SENP6: variants seen among roughly 807,000 people sequenced by gnomAD.
The protein encoded by SENP6 is sentrin-specific protease 6.
In SENP6, 41 loss-of-function variants were observed where a neutral mutation model predicts 134.5. The observed-to-expected ratio is 0.30, with a 90% CI of 0.24 to 0.40. SENP6 has a LOEUF of 0.40. Ranked by LOEUF, SENP6 falls within the 10% of genes least tolerant of loss-of-function variation. The pLI is 1.00. For missense variants in SENP6, 1,248 were observed against 1,312.5 expected (o/e 0.95, Z 0.76); for synonymous variants, 395 against 429.8 (o/e 0.92, Z 1.00).
intron 7 of SENP6, among the ~76,000 whole-genome samples, chr6:75,654,658 A>C (rs1157634505): frequency 6.6e-6 from 1 of 152,266 alleles, no homozygotes; most frequent in Non-Finnish European, 1.5e-5. Flanking sequence ...ATAATGTAAA[A>C]GCAAATACAT....
At chr6:75,653,417 C>T (rs919523320) in intron 7 of SENP6, among the ~76,000 whole-genome samples, 1 of 152,162 alleles carries the variant, frequency 6.6e-6, no homozygotes, top group Non-Finnish European at 1.5e-5. Context: ...TTTAGTAAAG[C>T]TTTTCCAACC....
At chr6:75,701,829 G>A (rs1165697052) in intron 18 of SENP6, among the ~76,000 whole-genome samples, 1 of 151,808 alleles carries the variant, frequency 6.6e-6, no homozygotes, top group East Asian at 1.9e-4. Context: ...TAGTAGAGAC[G>A]GGGTTTCACT....
chr6:75,705,967 C>T (rs9343320), intron 19 of SENP6, among the ~76,000 whole-genome samples: 10,835 of 80,450 alleles, frequency 0.13, 579 homozygotes, highest in Middle Eastern at 0.23. Flanking sequence ...GATGGAGTCT[C>T]TCTTAATCAC....
rs1425279970 is a variant in SENP6 at position 75,675,857 on chromosome 6, C to T, written c.1427-3C>T. The T allele has an allele frequency of 5.1e-6, 8 of 1,570,396 alleles. No individual in the cohort carries two copies. Among genetic ancestry groups the T allele is most frequent in the African/African-American group, 4.1e-5 (3 of 72,792 alleles). ...TTTTTCCATTTCATTTGTTTTCCTC[C>T]AGAACCAGACCATGATCCTGTAGAG... On this transcript the variant is annotated splice_region_variant and splice_polypyrimidine_tract_variant and intron_variant, in intron 12 of 23. Coordinates refer to ENST00000447266, the MANE Select transcript of SENP6 (RefSeq NM_015571.4).
intron 5 of SENP6, among the ~76,000 whole-genome samples, chr6:75,638,979 A>G (rs1209784979): frequency 6.6e-6 from 1 of 152,100 alleles, no homozygotes; most frequent in African/African-American, 2.4e-5. Flanking sequence ...GAGCCTAGGG[A>G]GATCAAGGCT....
chr6:75,654,511 G>A (rs1771162320), intron 7 of SENP6, among the ~76,000 whole-genome samples: 1 of 152,180 alleles, frequency 6.6e-6, no homozygotes, highest in Admixed American at 6.5e-5. Flanking sequence ...TTAGCCAGAA[G>A]TGATTTTTAA....
chr6:75,701,547 C>T (rs1775026678), intron 18 of SENP6, among the ~76,000 whole-genome samples: 1 of 147,938 alleles, frequency 6.8e-6, no homozygotes, highest in Non-Finnish European at 1.5e-5. Flanking sequence ...CACACAGTAA[C>T]AGTAAAAAGA....
At chr6:75,641,274 A>G (rs1009839849) in intron 6 of SENP6, among the ~76,000 whole-genome samples, 4 of 152,214 alleles carry the variant, frequency 2.6e-5, no homozygotes, top group Non-Finnish European at 5.9e-5. Flanking sequence ...ATTTATGCTA[A>G]TAAGTGACTC....
At chr6:75,664,541 T>A (rs1364741531) in intron 9 of SENP6, among the ~76,000 whole-genome samples, 1 of 152,152 alleles carries the variant, frequency 6.6e-6, no homozygotes, top group Non-Finnish European at 1.5e-5. Flanking sequence ...AAATAACCAG[T>A]AAGTGGCAAA....
chr6:75,704,906 G>C (rs927040565), intron 19 of SENP6, among the ~76,000 whole-genome samples: 2 of 152,176 alleles, frequency 1.3e-5, no homozygotes, highest in African/African-American at 4.8e-5. Context: ...CTTAAACCTT[G>C]ATTCCATACA....
intron 2 of SENP6, 148 bp downstream of exon 2, chr6:75,621,773 G>T: frequency 1.9e-6 from 1 of 520,372 alleles, no homozygotes. Context: ...GAAAGAAAAA[G>T]CAATTCCTTA....
intron 2 of SENP6, among the ~76,000 whole-genome samples, chr6:75,622,553 C>T (rs1161191302): frequency 1.3e-5 from 2 of 152,028 alleles, no homozygotes; most frequent in South Asian, 2.1e-4. Context: ...AGTAAGACTC[C>T]GTCTCAACAA....
chr6:75,626,338 T>C (rs1192104371), intron 3 of SENP6, among the ~76,000 whole-genome samples: 1 of 150,138 alleles, frequency 6.7e-6, no homozygotes, highest in Non-Finnish European at 1.5e-5. Flanking sequence ...GGCTTAGCTT[T>C]TTATATATAT....
At chr6:75,677,423 G>A (rs1773166341) in intron 14 of SENP6, 167 bp downstream of exon 14, 2 of 571,234 alleles carry the variant, frequency 3.5e-6, no homozygotes, top group South Asian at 6.0e-5. Flanking sequence ...CAAAACAGTG[G>A]TGGGTAGGTG....
intron 16 of SENP6, among the ~76,000 whole-genome samples, chr6:75,681,758 A>G (rs920929608): frequency 6.6e-6 from 1 of 152,106 alleles, no homozygotes; most frequent in Non-Finnish European, 1.5e-5. Flanking sequence ...AAACAAATGG[A>G]TGGGTCATGC....
chr6:75,630,452 A>G (rs936255460), intron 3 of SENP6, among the ~76,000 whole-genome samples: 4 of 152,214 alleles, frequency 2.6e-5, no homozygotes, highest in African/African-American at 9.6e-5. Context: ...TTGGGCATGG[A>G]TCAGGGGCTA....
At chr6:75,616,520 G>A (rs181833240) in intron 1 of SENP6, among the ~76,000 whole-genome samples, 155 of 152,120 alleles carry the variant, frequency 1.0e-3, no homozygotes, top group Non-Finnish European at 1.9e-3. Context: ...AGGCCGAGGC[G>A]GGTGGATCAC....
chr6:75,619,392 A>G lies in SENP6; in HGVS notation c.53-2140A>G, dbSNP rs115842996. ...TGTTTTCAAGGTTCATCTGTCTTGTATCCTGTATCCAATTCGTATCCCTTT... is the reference window on the plus strand; with the variant it reads ...TGTTTTCAAGGTTCATCTGTCTTGTGTCCTGTATCCAATTCGTATCCCTTT... On this transcript the variant is annotated intron_variant, in intron 1 of 23. Coordinates refer to ENST00000447266, the MANE Select transcript of SENP6 (RefSeq NM_015571.4). Among the ~76,000 whole-genome samples the G allele has an allele frequency of 4.7e-3, 721 of 152,100 alleles. 8 individuals are homozygous for G. Among genetic ancestry groups the G allele is most frequent in the African/African-American group, 0.015 (641 of 41,476 alleles).
intron 1 of SENP6, among the ~76,000 whole-genome samples, chr6:75,604,903 T>C (rs112257764): frequency 0.014 from 2,093 of 151,298 alleles, 20 homozygotes; most frequent in Non-Finnish European, 0.022. Flanking sequence ...TGAAACCCCG[T>C]CTCTACTAAA....
Sources: allele counts gnomAD v4.1 joint callset (sites outside exome capture counted in the v4.1 genomes callset), GRCh38; gene constraint gnomAD v4.1.1; transcripts MANE v1.5; gene names NCBI Gene and HGNC (gene_info 2026-07-23, HGNC 2026-07-21).